The following ABR variants were observed in gnomAD, a reference collection of about 807,000 sequenced individuals.
ABR encodes the protein active breakpoint cluster region-related protein.
A neutral mutation model predicts 107.2 loss-of-function variants in ABR; 35 were observed. That is an observed-to-expected ratio of 0.33 (90% CI 0.25 to 0.43). The LOEUF (loss-of-function observed/expected upper bound fraction) is 0.43, where lower values mean the gene tolerates loss of function less well. Ranked by LOEUF, ABR falls within the 20% of genes least tolerant of loss-of-function variation. The pLI is 1.00. For missense variants in ABR, 815 were observed against 1,115.2 expected, an observed-to-expected ratio of 0.73 and a Z score of 3.83; for synonymous variants, 498 against 462.0, an observed-to-expected ratio of 1.08 and a Z score of -1.00.
In ABR at chr17:1,151,606, T is replaced by G. The variant is rs185182543; in HGVS notation, c.62-26239A>C. The stretch of plus-strand genomic sequence containing the variant: ...GTTTTTCCAGCAGGGGATGGAGAAG[T>G]GTGTTTCTTCACAGGACATCCTGAG... On this transcript the variant is annotated intron_variant, in intron 1 of 22. Transcript: ENST00000302538. Among the ~76,000 whole-genome samples, 100 of 152,308 alleles carry G rather than the reference T, an allele frequency of 6.6e-4. 1 individual carries two copies. The East Asian group carries it at 0.019, about 28-fold the overall frequency.
intron 16 of ABR, among the ~76,000 whole-genome samples, chr17:1,041,121 T>C (rs996926644): frequency 6.6e-6 from 1 of 152,072 alleles, no homozygotes; most frequent in African/African-American, 2.4e-5. Flanking sequence ...CGTTTCACCA[T>C]GTTGGCCAGG....
rs1234498673 is a variant in ABR, at chr17:1,064,000, G to C, written c.1182+3077C>G. On this transcript the variant is annotated intron_variant, in intron 10 of 22. Transcript: ENST00000302538. Reference sequence around the variant, plus strand: ...CTCTAGACACTGTTATGTGAACTGAGGGTTATGCATGTTCCTCTAGACACT... The same window carrying C: ...CTCTAGACACTGTTATGTGAACTGACGGTTATGCATGTTCCTCTAGACACT... Among the ~76,000 whole-genome samples the C allele has an allele frequency of 1.1e-3, 149 of 140,868 alleles. 3 individuals carry two copies. The highest frequency in any genetic ancestry group is 3.4e-3 in the African/African-American group (132 of 39,056). The allele number at this position is 140,868 out of a possible 152,430, so 92.4% of individuals were successfully genotyped here. A position where few individuals can be genotyped will look rare whatever the true frequency, so the allele number is the denominator to read the frequency against.
chr17:1,178,594 CT>C (rs2041998951), intron 1 of ABR, among the ~76,000 whole-genome samples: 1 of 151,580 alleles, frequency 6.6e-6, no homozygotes, highest in African/African-American at 2.4e-5. Context: ...GAAAACGCTC[CT>C]GTTCCATGGC....
rs1203438534 is a variant in ABR at position 1,084,284 on chromosome 17, G to A, written c.532-657C>T. 6.6e-6 allele frequency among the ~76,000 whole-genome samples: 1 copy of A among 152,262 alleles called. No individual in the cohort carries two copies. The highest frequency in any genetic ancestry group is 2.4e-5 in the African/African-American group (1 of 41,468). Reference sequence around the variant, plus strand: ...CCCAGGTACTCAGGAGAATGAGGCAGGAGAATCGCTTGAACCCAAGAGGTG... The same window carrying A: ...CCCAGGTACTCAGGAGAATGAGGCAAGAGAATCGCTTGAACCCAAGAGGTG... On this transcript the variant is annotated intron_variant, in intron 4 of 22. Coordinates refer to ENST00000302538, the MANE Select transcript of ABR (RefSeq NM_021962.5). The surrounding 1 kb of genome is among the most constrained non-coding windows in gnomAD (Gnocchi z 4.2).
chr17:1,027,150 C>A lies in ABR; in HGVS notation c.1792-13986G>T, dbSNP rs543577138. 2.6e-5 allele frequency among the ~76,000 whole-genome samples: 4 copies of A among 152,238 alleles called. No individual in the cohort carries two copies. The highest frequency in any genetic ancestry group is 5.9e-5 in the Non-Finnish European group (4 of 68,042). Reference sequence around the variant, plus strand: ...GTACTACAGCAACACTGGGCTCAGGCAGCTTTGGCCTTTGAGGAACCCCCT... The same window carrying A: ...GTACTACAGCAACACTGGGCTCAGGAAGCTTTGGCCTTTGAGGAACCCCCT... On this transcript the variant is annotated intron_variant, in intron 16 of 22. Coordinates refer to ENST00000302538, the MANE Select transcript of ABR (RefSeq NM_021962.5). The surrounding 1 kb of genome is among the most constrained non-coding windows in gnomAD (Gnocchi z 4.7).
intron 1 of ABR, among the ~76,000 whole-genome samples, chr17:1,218,185 C>T (rs186526910): frequency 5.3e-5 from 8 of 152,274 alleles, no homozygotes; most frequent in Admixed American, 5.2e-4. Context: ...CTTTGCAACA[C>T]CAAGTGAGGT....
chr17:1,151,175 G>A lies in ABR; in HGVS notation c.62-25808C>T, dbSNP rs571860030. 1.4e-3 allele frequency among the ~76,000 whole-genome samples: 217 copies of A among 152,198 alleles called. 1 individual carries two copies. Among genetic ancestry groups the A allele is most frequent in the Non-Finnish European group, 2.4e-3 (166 of 68,024 alleles). The stretch of plus-strand genomic sequence containing the variant: ...CACAGGGTTTCTGTGAGGATGAAAC[G>A]AGTAAACATCTAAAGCACACCGAAG... On this transcript the variant is annotated intron_variant, in intron 1 of 22. Transcript: ENST00000302538.
rs1384590073 is a variant in ABR, at chr17:1,058,047, T to C, written c.1306-2A>G. On this transcript the variant is annotated splice_acceptor_variant, in intron 11 of 22. Coordinates refer to ENST00000302538, the MANE Select transcript of ABR (RefSeq NM_021962.5). LOFTEE classifies it high-confidence loss of function. Reference sequence around the variant, plus strand: ...CGAGGACAGTAGGAACAGGTAACTCTGAAGAGAGGAGATAAGCATAAAGTG... The same window carrying C: ...CGAGGACAGTAGGAACAGGTAACTCCGAAGAGAGGAGATAAGCATAAAGTG... The C allele has an allele frequency of 6.2e-7, 1 of 1,612,408 alleles. No individual in the cohort carries two copies.
At chr17:1,081,582 T>G (rs2036239892) in intron 5 of ABR, among the ~76,000 whole-genome samples, 1 of 152,116 alleles carries the variant, frequency 6.6e-6, no homozygotes, top group South Asian at 2.1e-4. Context: ...ACTCAATAGA[T>G]ACTTTTTTTT....
rs545125203 is a variant in ABR at position 1,028,193 on chromosome 17, C to T, written c.1792-15029G>A. On this transcript the variant is annotated intron_variant, in intron 16 of 22. Coordinates refer to ENST00000302538, the MANE Select transcript of ABR (RefSeq NM_021962.5). ...GCAACCTCCACCTCCCAGGTTCAAG[C>T]GATGCTCCTGCCTCAGCCTCCCTAG... Among the ~76,000 whole-genome samples, 10 of 152,104 alleles carry T rather than the reference C, an allele frequency of 6.6e-5. No individual in the cohort carries two copies. In the South Asian group the frequency reaches 1.2e-3, roughly 19 times the overall value.
chr17:1,124,264 A>G (rs1194767623), intron 2 of ABR, among the ~76,000 whole-genome samples: 3 of 152,158 alleles, frequency 2.0e-5, no homozygotes, highest in Non-Finnish European at 4.4e-5. Flanking sequence ...CTGGAGGAAG[A>G]AGAGGCAGCC....
At chr17:1,018,737 C>T (rs911212693) in intron 16 of ABR, among the ~76,000 whole-genome samples, 1 of 152,180 alleles carries the variant, frequency 6.6e-6, no homozygotes, top group African/African-American at 2.4e-5. Context: ...ACTCACAGGG[C>T]TGTTATGGAA....
At position 1,037,677 on chromosome 17, in the gene ABR, G is replaced by A. The variant is rs1320218036; in HGVS notation, c.1791+12373C>T. On this transcript the variant is annotated intron_variant, in intron 16 of 22. Transcript: ENST00000302538. This position sits in a 1 kb window ranked among gnomAD's most constrained non-coding sequence, Gnocchi z 4.6. ...TGCCTGCTCCTCCTCCCGGGAAGGA[G>A]GGGGTGTGGCCGGGTCTCCCAGCAC... 1.3e-5 allele frequency among the ~76,000 whole-genome samples: 2 copies of A among 152,190 alleles called. No individual in the cohort carries two copies. The highest frequency in any genetic ancestry group is 2.9e-5 in the Non-Finnish European group (2 of 68,028).
chr17:1,046,418 G>A (rs931486283), intron 16 of ABR, among the ~76,000 whole-genome samples: 7 of 151,530 alleles, frequency 4.6e-5, no homozygotes, highest in South Asian at 2.1e-4. Flanking sequence ...TTATGGGCGC[G>A]TGCCACCACG....
At chr17:1,132,119 G>A (rs1301522595) in intron 1 of ABR, among the ~76,000 whole-genome samples, 2 of 152,090 alleles carry the variant, frequency 1.3e-5, no homozygotes, top group Non-Finnish European at 2.9e-5. Flanking sequence ...ATGATGTGGG[G>A]CATCCTCCAA....
chr17:1,036,216 C>A (rs1179127157), intron 16 of ABR, among the ~76,000 whole-genome samples: 1 of 152,200 alleles, frequency 6.6e-6, no homozygotes, highest in Non-Finnish European at 1.5e-5. Flanking sequence ...GAGGGGGTTT[C>A]TGAGCAGCCA....
intron 16 of ABR, among the ~76,000 whole-genome samples, chr17:1,029,704 G>A (rs1220130478): frequency 4.6e-5 from 7 of 152,188 alleles, no homozygotes; most frequent in African/African-American, 1.4e-4. Context: ...TGTGGCTGAG[G>A]ATAGAAAGCA....
chr17:1,142,499 C>A (rs1417929595), intron 1 of ABR, among the ~76,000 whole-genome samples: 1 of 151,654 alleles, frequency 6.6e-6, no homozygotes, highest in South Asian at 2.1e-4. Context: ...GCAGGAGAAT[C>A]GCTTGAACCC....
chr17:1,072,814 C>T lies in ABR; in HGVS notation c.754-60G>A, dbSNP rs745674788. The T allele has an allele frequency of 7.2e-5, 113 of 1,564,198 alleles. 2 individuals carry two copies. In the South Asian group the frequency reaches 8.5e-4, roughly 12 times the overall value. On this transcript the variant is annotated intron_variant, in intron 7 of 22. Transcript: ENST00000302538. ...GCTCTGGGGCCTGATGTGTGGCCAC[C>T]GGGGAGTGCTCAGTCCCCATCCAAA...
Sources: allele counts gnomAD v4.1 joint callset (sites outside exome capture counted in the v4.1 genomes callset), GRCh38; gene constraint gnomAD v4.1.1; non-coding constraint Gnocchi (gnomAD v3.1); transcripts MANE v1.5; gene names NCBI Gene and HGNC (gene_info 2026-07-23, HGNC 2026-07-21).